The following NELL2 variants were observed in gnomAD, a reference collection of about 807,000 sequenced individuals.
NELL2 encodes the protein neural EGFL like 2.
Under a neutral mutation model 109.6 loss-of-function variants are expected in NELL2, and 41 were observed. That is an observed-to-expected ratio of 0.37 (90% confidence interval 0.29 to 0.49). The LOEUF (loss-of-function observed/expected upper bound fraction) is 0.49. Ranked by LOEUF, NELL2 falls within the 20% of genes least tolerant of loss-of-function variation. The probability of loss-of-function intolerance (pLI) is 0.98; values close to 1 mark genes in which losing one functional copy is unlikely to be tolerated. For missense variants in NELL2, 900 were observed against 1,008.3 expected, an observed-to-expected ratio of 0.89 and a Z score of 1.45; for synonymous variants, 355 against 344.7, an observed-to-expected ratio of 1.03 and a Z score of -0.33.
intron 9 of NELL2, among the ~76,000 whole-genome samples, chr12:44,773,149 A>T (rs564257642): frequency 6.6e-6 from 1 of 152,308 alleles, no homozygotes; most frequent in South Asian, 2.1e-4. Flanking sequence ...ATGAATAACA[A>T]CATAAAATTA....
At chr12:44,655,315 T>C (rs1037398434) in intron 13 of NELL2, among the ~76,000 whole-genome samples, 1 of 152,158 alleles carries the variant, frequency 6.6e-6, no homozygotes, top group Non-Finnish European at 1.5e-5. Flanking sequence ...TGTATATGGA[T>C]ATGACAGATG....
Position 44,525,253 on chromosome 12 carries a change from C to A in NELL2, c.1805-1769G>T, listed in dbSNP as rs148631503. 2.5e-3 allele frequency among the ~76,000 whole-genome samples: 381 copies of A among 152,248 alleles called. 1 individual carries two copies. The highest frequency in any genetic ancestry group is 8.6e-3 in the African/African-American group (357 of 41,538). ...TTTCCCCCTTATAGGCAGAAAGATT[C>A]CACAGGATTGCTGCAAGGGACAAAG... On this transcript the variant is annotated intron_variant, in intron 16 of 19. Coordinates refer to ENST00000429094, the MANE Select transcript of NELL2 (RefSeq NM_001145108.2).
intron 8 of NELL2, 137 bp downstream of exon 8, chr12:44,775,885 A>C: frequency 1.1e-6 from 1 of 871,802 alleles, no homozygotes; most frequent in Non-Finnish European, 1.7e-6. Flanking sequence ...TTTAGATATG[A>C]CCAGGTTTGT....
intron 15 of NELL2, among the ~76,000 whole-genome samples, chr12:44,581,327 C>T (rs1327115095): frequency 6.6e-6 from 1 of 152,162 alleles, no homozygotes; most frequent in African/African-American, 2.4e-5. Flanking sequence ...CTTTTACAAT[C>T]TACACTGCCC....
At chr12:44,897,900 A>G (rs1945612976) in intron 1 of NELL2, among the ~76,000 whole-genome samples, 2 of 152,314 alleles carry the variant, frequency 1.3e-5, no homozygotes, top group East Asian at 3.9e-4. Context: ...AGCAGTCTGA[A>G]GCCAACCTGG....
intron 15 of NELL2, among the ~76,000 whole-genome samples, chr12:44,570,183 A>T (rs1280514202): frequency 2.0e-5 from 3 of 152,204 alleles, no homozygotes; most frequent in African/African-American, 7.2e-5. Flanking sequence ...GTAATTTTCC[A>T]GGCTCCTGAT....
intron 3 of NELL2, among the ~76,000 whole-genome samples, chr12:44,803,960 T>A (rs935937896): frequency 1.3e-5 from 2 of 152,012 alleles, no homozygotes; most frequent in African/African-American, 4.8e-5. Flanking sequence ...AGTTAAAAGT[T>A]TAAGTGTGTA....
intron 13 of NELL2, among the ~76,000 whole-genome samples, chr12:44,635,566 T>C (rs1453763840): frequency 1.3e-5 from 2 of 152,202 alleles, no homozygotes; most frequent in East Asian, 1.9e-4. Context: ...CTTGTTTTTC[T>C]CAGGTTTGTC....
chr12:44,727,258 T>A (rs917691099), intron 9 of NELL2, among the ~76,000 whole-genome samples: 2 of 151,984 alleles, frequency 1.3e-5, no homozygotes, highest in African/African-American at 4.8e-5. Flanking sequence ...ACCTAGGAAA[T>A]CAGTATCTTT....
In NELL2 at chr12:44,769,474, G is replaced by T. The variant is rs186719094; in HGVS notation, c.994+5273C>A. Reference sequence around the variant, plus strand: ...CTAAAAATGCCAAGTGTGGGTGAGGGTGTGGGGCAACTGGAATTTTCCTAC... The same window carrying T: ...CTAAAAATGCCAAGTGTGGGTGAGGTTGTGGGGCAACTGGAATTTTCCTAC... On this transcript the variant is annotated intron_variant, in intron 9 of 19. Coordinates refer to ENST00000429094, the MANE Select transcript of NELL2 (RefSeq NM_001145108.2). 7.9e-5 allele frequency among the ~76,000 whole-genome samples: 12 copies of T among 152,174 alleles called. No homozygotes were observed. The East Asian group carries it at 2.3e-3, about 29-fold the overall frequency.
chr12:44,876,804 C>T, upstream of NELL2: 1 of 1,370,790 alleles, frequency 7.3e-7, no homozygotes, highest in Non-Finnish European at 9.4e-7. Flanking sequence ...GGAAGGCCAC[C>T]AAAACACGCT....
chr12:44,588,787 T>C (rs1944638851), intron 15 of NELL2, among the ~76,000 whole-genome samples: 1 of 152,204 alleles, frequency 6.6e-6, no homozygotes, highest in Admixed American at 6.5e-5. Flanking sequence ...TTTGTAACCA[T>C]TATCATTATC....
At chr12:44,760,254 TAACA>T (rs1301000284) in intron 9 of NELL2, among the ~76,000 whole-genome samples, 1 of 152,092 alleles carries the variant, frequency 6.6e-6, no homozygotes, top group African/African-American at 2.4e-5. Context: ...TATATTAAAA[TAACA>T]AACAAAATAA....
intron 12 of NELL2, among the ~76,000 whole-genome samples, chr12:44,675,620 C>G (rs114056950): frequency 2.0e-5 from 3 of 152,008 alleles, no homozygotes; most frequent in Non-Finnish European, 4.4e-5. Context: ...AATCATCTAA[C>G]CCCAGTAATT....
chr12:44,689,530 C>G (rs1948835288), intron 12 of NELL2, among the ~76,000 whole-genome samples: 1 of 152,180 alleles, frequency 6.6e-6, no homozygotes, highest in Non-Finnish European at 1.5e-5. Context: ...CAGGGCCAGG[C>G]AGCCCTTATG....
chr12:44,902,231 A>G (rs1945668938), intron 1 of NELL2, among the ~76,000 whole-genome samples: 1 of 152,186 alleles, frequency 6.6e-6, no homozygotes, highest in African/African-American at 2.4e-5. Flanking sequence ...ATGTGCAAAA[A>G]TCACAAGCAT....
chr12:44,697,808 G>T (rs113951853), intron 12 of NELL2, among the ~76,000 whole-genome samples: 2 of 152,188 alleles, frequency 1.3e-5, no homozygotes, highest in African/African-American at 4.8e-5. Flanking sequence ...TAGTTTTCTA[G>T]GACTGCCATA....
chr12:44,876,332 G>C, upstream of NELL2: 1 of 1,182,892 alleles, frequency 8.5e-7, no homozygotes, highest in Non-Finnish European at 1.0e-6. Flanking sequence ...AGCTCCGGGA[G>C]ACGCGCGGAG....
chr12:44,762,581 A>G (rs148416808), intron 9 of NELL2, among the ~76,000 whole-genome samples: 331 of 152,138 alleles, frequency 2.2e-3, no homozygotes, highest in African/African-American at 7.5e-3. Context: ...ACGCCATCCT[A>G]CCTCTTCAGC....
Sources: gnomAD v4.1 joint callset for allele counts (sites outside exome capture counted in the v4.1 genomes callset) on GRCh38, gnomAD v4.1.1 for gene constraint, MANE v1.5 for transcripts, NCBI Gene and HGNC (gene_info 2026-07-23, HGNC 2026-07-21) for gene names.